Variants in C3orf18 observed in about 807,000 individuals in gnomAD.
The protein encoded by C3orf18 is uncharacterized protein C3orf18.
C3orf18 carries 12 observed loss-of-function variants against 14.1 expected under a neutral mutation model. The observed-to-expected ratio is 0.85, with a 90% CI of 0.55 to 1.38. The LOEUF is 1.38. Among genes scored for constraint, C3orf18 ranks in the 40% most tolerant of loss-of-function variants. The pLI is 0.00. For synonymous variants in C3orf18, 82 were observed against 87.9 expected, an observed-to-expected ratio of 0.93 and a Z score of 0.38; for missense variants, 196 against 213.9, an observed-to-expected ratio of 0.92 and a Z score of 0.52.
chr3:50,570,778 G>A, upstream of C3orf18: 1 of 234,372 alleles, frequency 4.3e-6, no homozygotes, highest in Non-Finnish European at 8.3e-6. Context: ...AACGTAAGTG[G>A]CCAAGACAAG....
At chr3:50,566,746 G>A (rs1346058406) in intron 1 of C3orf18, among the ~76,000 whole-genome samples, 1 of 152,194 alleles carries the variant, frequency 6.6e-6, no homozygotes, top group Non-Finnish European at 1.5e-5. Flanking sequence ...GGGCTGCTAG[G>A]GTCAAGGAGA....
rs1700218942 is a variant in C3orf18 at position 50,565,242 on chromosome 3, C to G, written c.234+224G>C. 5 of 540,096 alleles carry G rather than the reference C, an allele frequency of 9.3e-6. No homozygotes were observed. The highest frequency in any genetic ancestry group is 1.3e-5 in the Non-Finnish European group (4 of 301,178). 33.5% of individuals were successfully genotyped at this position (540,096 alleles called of 1,614,324 possible). A position where few individuals can be genotyped will look rare whatever the true frequency, so the allele number is the denominator to read the frequency against. ...ATTAGCCGGGCGTGGCAGCTCACAC[C>G]TGTAATCCCAGCTACTTGGGAGGCT... On this transcript the variant is annotated intron_variant, in intron 3 of 5. Transcript: ENST00000357203. This position sits in a 1 kb window ranked among gnomAD's most constrained non-coding sequence, Gnocchi z 4.4.
rs1045768561 is a variant in C3orf18 at position 50,567,723 on chromosome 3, C to T, written c.-512G>A. 2 of 152,328 alleles carry T rather than the reference C, an allele frequency of 1.3e-5. No individual in the cohort carries two copies. Among genetic ancestry groups the T allele is most frequent in the Non-Finnish European group, 1.5e-5 (1 of 68,106 alleles). 9.4% of individuals were successfully genotyped at this position (152,328 alleles called of 1,614,324 possible). A position where few individuals can be genotyped will look rare whatever the true frequency, so the allele number is the denominator to read the frequency against. Reference sequence around the variant, plus strand: ...CGGAGGTGGGGCCGGGCCGAGCAGCCTCGGGGGATCCCCGAAGCTACAGCG... The same window carrying T: ...CGGAGGTGGGGCCGGGCCGAGCAGCTTCGGGGGATCCCCGAAGCTACAGCG... On this transcript the variant is annotated 5_prime_UTR_variant, in exon 1 of 6. Transcript: ENST00000357203.
chr3:50,566,018 C>T lies in C3orf18; in HGVS notation c.-175G>A, dbSNP rs1342924366. ...TTAGGACACATACTTTACGTATCTA[C>T]GGTGCCCCTGTTTTTGGGAACAAAA... is the stretch of plus-strand genomic sequence containing the variant. On this transcript the variant is annotated 5_prime_UTR_variant, in exon 2 of 6. Transcript: ENST00000357203. The T allele has an allele frequency of 3.6e-5, 10 of 277,112 alleles. No individual in the cohort carries two copies. Among genetic ancestry groups the T allele is most frequent in the Non-Finnish European group, 6.8e-5 (10 of 146,098 alleles). The allele number at this position is 277,112 out of a possible 1,614,324, so 17.2% of individuals were successfully genotyped here.
In C3orf18 at chr3:50,565,691, G is replaced by A. The variant is rs748436749; in HGVS notation, c.9C>T (p.Ser3=). 1 of 1,609,918 alleles carries A rather than the reference G, an allele frequency of 6.2e-7. No individual in the cohort carries two copies. Among genetic ancestry groups the A allele is most frequent in the Non-Finnish European group, 8.5e-7 (1 of 1,179,598 alleles). MN[S]RTASARGWFS... ...ACCAGCCCCTAGCAGATGCGGTCCT[G>A]GAGTTCATGCTGATGCGGAGAGGGC... Residue 3 remains serine (S), a synonymous_variant, in exon 3 of 6, where the codon TCC becomes TCT. Transcript: ENST00000357203. This position sits in a 1 kb window ranked among gnomAD's most constrained non-coding sequence, Gnocchi z 4.4.
At position 50,565,765 on chromosome 3, in the gene C3orf18, G is replaced by T; in HGVS notation, c.-66C>A. On this transcript the variant is annotated 5_prime_UTR_variant, in exon 3 of 6. Transcript: ENST00000357203. The surrounding 1 kb of genome is among the most constrained non-coding windows in gnomAD (Gnocchi z 4.4). ...CCAGTCAACCTGCCCACTCACTCCT[G>T]ACTCCGGAGTGCCCCAGCCTGTGGT... 7.7e-7 allele frequency: 1 copy of T among 1,290,752 alleles called. No homozygotes were observed. The highest frequency in any genetic ancestry group is 1.1e-6 in the Non-Finnish European group (1 of 929,084). The allele number at this position is 1,290,752 out of a possible 1,614,324, so 80.0% of individuals were successfully genotyped here. A position where few individuals can be genotyped will look rare whatever the true frequency, so the allele number is the denominator to read the frequency against.
Position 50,561,848 on chromosome 3 carries a change from C to T in C3orf18, c.235-101G>A, listed in dbSNP as rs747675373. 6.0e-6 allele frequency: 7 copies of T among 1,165,614 alleles called. No individual in the cohort carries two copies. In the South Asian group the frequency reaches 7.5e-5, roughly 12 times the overall value. The allele number at this position is 1,165,614 out of a possible 1,614,324, so 72.2% of individuals were successfully genotyped here. The stretch of plus-strand genomic sequence containing the variant: ...CATGCTGAGGCTGATGAACAAGAGA[C>T]CCGTGGGTCCCCGTCCTAATGACAC... On this transcript the variant is annotated intron_variant, in intron 3 of 5. Coordinates refer to ENST00000357203, the MANE Select transcript of C3orf18 (RefSeq NM_016210.5).
Position 50,559,417 on chromosome 3 carries a change from C to A in C3orf18, c.*240G>T, listed in dbSNP as rs1699833580. The A allele has an allele frequency of 7.2e-7, 1 of 1,385,574 alleles. No homozygotes were observed. The highest frequency in any genetic ancestry group is 3.1e-5 in the Admixed American group (1 of 32,564). The allele number at this position is 1,385,574 out of a possible 1,614,324, so 85.8% of individuals were successfully genotyped here. A position where few individuals can be genotyped will look rare whatever the true frequency, so the allele number is the denominator to read the frequency against. On this transcript the variant is annotated 3_prime_UTR_variant, in exon 6 of 6. Transcript: ENST00000357203. ...CTTGACCTTCTCAGCATGAGGGATGCCCTCTGTGCCAGGGCCCTCAGGTCA... is the reference window on the plus strand; with the variant it reads ...CTTGACCTTCTCAGCATGAGGGATGACCTCTGTGCCAGGGCCCTCAGGTCA...
intron 1 of C3orf18, among the ~76,000 whole-genome samples, chr3:50,566,933 C>G (rs1350963741): frequency 6.6e-6 from 1 of 152,146 alleles, no homozygotes; most frequent in Non-Finnish European, 1.5e-5. Flanking sequence ...GGATACCTAG[C>G]TCGTGGGTGC....
chr3:50,571,251 T>C (rs1700918058), upstream of C3orf18: 11 of 1,613,478 alleles, frequency 6.8e-6, no homozygotes, highest in Non-Finnish European at 9.3e-6. Flanking sequence ...GCCACTGGAC[T>C]GGGGTCTTTG....
intron 3 of C3orf18, among the ~76,000 whole-genome samples, chr3:50,564,214 C>A (rs1160343893): frequency 6.6e-6 from 1 of 152,264 alleles, no homozygotes; most frequent in African/African-American, 2.4e-5. Context: ...TGGGCAGAAT[C>A]CTACCATTGC....
At chr3:50,571,177 G>A (rs747273872), upstream of C3orf18, 9 of 1,613,774 alleles carry the variant, frequency 5.6e-6, no homozygotes, top group South Asian at 1.1e-5. Flanking sequence ...CCGGGGCTGG[G>A]CCTTCAGCTC....
chr3:50,563,708 G>C (rs900803052), intron 3 of C3orf18, among the ~76,000 whole-genome samples: 2 of 152,190 alleles, frequency 1.3e-5, no homozygotes, highest in South Asian at 4.1e-4. Context: ...CCTGTCTCCG[G>C]TCCCCAGGAG....
chr3:50,560,795 T>A, intron 5 of C3orf18, 122 bp downstream of exon 5: 1 of 1,083,636 alleles, frequency 9.2e-7, no homozygotes, highest in Non-Finnish European at 1.3e-6. Flanking sequence ...AAAAGCCGTA[T>A]ACCCAATACC....
At chr3:50,571,249 A>G (rs1303956999), upstream of C3orf18, 3 of 1,613,490 alleles carry the variant, frequency 1.9e-6, no homozygotes, top group African/African-American at 4.0e-5. Flanking sequence ...CAGCCACTGG[A>G]CTGGGGTCTT....
upstream of C3orf18, chr3:50,570,991 C>A: frequency 1.3e-6 from 1 of 749,072 alleles, no homozygotes; most frequent in Non-Finnish European, 2.1e-6. Flanking sequence ...CTTGTGACCT[C>A]TCCATCTCCA....
At chr3:50,568,740 A>G (rs944031520), upstream of C3orf18, among the ~76,000 whole-genome samples, 62 of 151,586 alleles carry the variant, frequency 4.1e-4, no homozygotes, top group African/African-American at 1.2e-3. Flanking sequence ...AAAAAAAAAA[A>G]AAAAAAGAAA....
chr3:50,564,340 C>T (rs552238518), intron 3 of C3orf18, among the ~76,000 whole-genome samples: 173 of 152,330 alleles, frequency 1.1e-3, no homozygotes, highest in African/African-American at 4.0e-3. Context: ...GGGGGACAGC[C>T]CATATCCTTA....
At chr3:50,571,201 C>T (rs772032240), upstream of C3orf18, 5 of 1,613,882 alleles carry the variant, frequency 3.1e-6, no homozygotes, top group Non-Finnish European at 4.2e-6. Flanking sequence ...GCAACCCCAA[C>T]CACCTCTGGC....
Sources: gnomAD v4.1 joint callset for allele counts (sites outside exome capture counted in the v4.1 genomes callset) on GRCh38, gnomAD v4.1.1 for gene constraint, Gnocchi (gnomAD v3.1) non-coding constraint, MANE v1.5 for transcripts, NCBI Gene and HGNC (gene_info 2026-07-23, HGNC 2026-07-21) for gene names.